Variants in MLPH observed in about 807,000 individuals in gnomAD.
The protein encoded by MLPH is melanophilin, also known as exophilin-3.
Under a neutral mutation model 72.1 loss-of-function variants are expected in MLPH, and 51 were observed. That is an observed-to-expected ratio of 0.71 (90% CI 0.56 to 0.89). MLPH has a LOEUF of 0.89. Ranked by LOEUF, MLPH falls within the 40% of genes least tolerant of loss-of-function variation. MLPH has a pLI of 0.00. For missense variants in MLPH, 743 were observed against 759.9 expected (o/e 0.98, Z 0.26); for synonymous variants, 301 against 310.1 (o/e 0.97, Z 0.31).
At chr2:237,518,190 G>A (rs887069740) in intron 4 of MLPH, 28 of 395,868 alleles carry the variant, frequency 7.1e-5, no homozygotes, top group African/African-American at 5.0e-4. Flanking sequence ...TTGAGTGGGT[G>A]GATGGGTGGA....
intron 2 of MLPH, among the ~76,000 whole-genome samples, chr2:237,509,286 T>C (rs1410552284): frequency 6.6e-6 from 1 of 152,222 alleles, no homozygotes; most frequent in African/African-American, 2.4e-5. Context: ...GGCTCTTATT[T>C]AAGAGGACTC....
At chr2:237,548,850 G>C (rs1369450836) in intron 13 of MLPH, among the ~76,000 whole-genome samples, 1 of 152,228 alleles carries the variant, frequency 6.6e-6, no homozygotes, top group Non-Finnish European at 1.5e-5. Context: ...CTGCACTCCA[G>C]CCTGGGTGAC....
intron 6 of MLPH, among the ~76,000 whole-genome samples, chr2:237,525,356 GC>G (rs1262296306): frequency 2.6e-5 from 4 of 152,168 alleles, no homozygotes; most frequent in Non-Finnish European, 4.4e-5. Context: ...GTCGTTGGGG[GC>G]CCCAACATTG....
intron 9 of MLPH, among the ~76,000 whole-genome samples, chr2:237,539,784 C>T (rs568993365): frequency 6.6e-6 from 1 of 152,266 alleles, no homozygotes; most frequent in East Asian, 1.9e-4. Flanking sequence ...AGTGACCTGC[C>T]GAAGGTCACA....
At chr2:237,500,212 G>T (rs569038582) in intron 2 of MLPH, among the ~76,000 whole-genome samples, 1 of 151,926 alleles carries the variant, frequency 6.6e-6, no homozygotes, top group South Asian at 2.1e-4. Flanking sequence ...ATTCCCTTTC[G>T]CAGGGTCGAG....
intron 2 of MLPH, among the ~76,000 whole-genome samples, chr2:237,495,425 G>A (rs1277560199): frequency 1.3e-5 from 2 of 152,218 alleles, no homozygotes; most frequent in African/African-American, 4.8e-5. Flanking sequence ...GGCCATAGGA[G>A]ACCGCACTGG....
At chr2:237,542,062 G>A (rs538318210) in intron 11 of MLPH, among the ~76,000 whole-genome samples, 11 of 152,172 alleles carry the variant, frequency 7.2e-5, no homozygotes, top group Admixed American at 5.2e-4. Flanking sequence ...GAGGGTGGAC[G>A]GCAAAGGCCC....
At chr2:237,499,742 CT>C (rs201746131) in intron 2 of MLPH, among the ~76,000 whole-genome samples, 2 of 151,578 alleles carry the variant, frequency 1.3e-5, no homozygotes, top group Middle Eastern at 3.4e-3. Flanking sequence ...TCCCATTTTA[CT>C]TTTTTTTTGT....
At chr2:237,521,129 T>C (rs2080173473) in intron 6 of MLPH, among the ~76,000 whole-genome samples, 1 of 152,166 alleles carries the variant, frequency 6.6e-6, no homozygotes, top group African/African-American at 2.4e-5. Flanking sequence ...GATGCTTAAT[T>C]GAGTTAATTA....
At chr2:237,494,274 G>A (rs1265040093) in intron 2 of MLPH, among the ~76,000 whole-genome samples, 1 of 152,150 alleles carries the variant, frequency 6.6e-6, no homozygotes, top group African/African-American at 2.4e-5. Context: ...GCCAGAGAGT[G>A]GAGGGCAGAG....
rs775973418 is a variant in MLPH at position 237,519,927 on chromosome 2, C to A, written c.573C>A (p.Ser191=). 67 of 1,613,892 alleles carry A rather than the reference C, an allele frequency of 4.2e-5. No homozygotes were observed. In the South Asian group the frequency reaches 7.1e-4, roughly 17 times the overall value. The change falls in exon 6 of 16, where the codon TCC becomes TCA. Residue 191 remains serine (S), a synonymous_variant. Coordinates refer to ENST00000264605, the MANE Select transcript of MLPH (RefSeq NM_024101.7). The part of the protein sequence containing the change: ...PFGSKKKRLL[S]VHDFDFEGDS... ...CTGCTAAGAAAAAGCGCCTCCTCTC[C>A]GTCCACGACTTCGACTTCGAGGGAG...
Position 237,540,332 on chromosome 2 carries a change from T to C in MLPH, c.1105-16T>C. On this transcript the variant is annotated splice_polypyrimidine_tract_variant and intron_variant, in intron 9 of 15. Transcript: ENST00000264605. The stretch of plus-strand genomic sequence containing the variant: ...GATGGCTAGCCGAATCCAAATCCAC[T>C]GGCCTGTTCTGTCAGGGTCTAGGTG... The C allele has an allele frequency of 6.2e-7, 1 of 1,613,072 alleles. No individual in the cohort carries two copies. Among genetic ancestry groups the C allele is most frequent in the Non-Finnish European group, 8.5e-7 (1 of 1,179,958 alleles).
At chr2:237,548,616 C>A (rs2080966927) in intron 13 of MLPH, among the ~76,000 whole-genome samples, 1 of 152,192 alleles carries the variant, frequency 6.6e-6, no homozygotes, top group African/African-American at 2.4e-5. Context: ...CACCTGTAAT[C>A]CCAGCACTTT....
At chr2:237,521,324 G>A (rs1196438092) in intron 6 of MLPH, among the ~76,000 whole-genome samples, 2 of 152,146 alleles carry the variant, frequency 1.3e-5, no homozygotes, top group Admixed American at 6.5e-5. Context: ...TGGAGTAAAA[G>A]CCTGTGAGGA....
chr2:237,550,487 T>G (rs761908876), intron 14 of MLPH, among the ~76,000 whole-genome samples: 1 of 152,164 alleles, frequency 6.6e-6, no homozygotes, highest in Non-Finnish European at 1.5e-5. Flanking sequence ...TGGAGAGCCA[T>G]GTGCTGGCTC....
At chr2:237,530,473 G>A (rs1415691456) in intron 8 of MLPH, among the ~76,000 whole-genome samples, 1 of 152,200 alleles carries the variant, frequency 6.6e-6, no homozygotes, top group Non-Finnish European at 1.5e-5. Flanking sequence ...AGTGTCCACG[G>A]GGCAGAAGCA....
rs58256353 is a variant in MLPH at position 237,540,862 on chromosome 2, C to T, written c.1351C>T (p.Pro451Ser). Residue 451 changes from proline to serine, a missense_variant, in exon 11 of 16, where the codon CCC (proline) becomes TCC (serine). Coordinates refer to ENST00000264605, the MANE Select transcript of MLPH (RefSeq NM_024101.7). ...AAAAAGCCCCCAGGACCCTGGGGAC[C>T]CCGTCCAGTACAACAGGACCACAGA... Reference protein sequence around the residue: ...QEKSPQDPGDPVQYNRTTDEE... With the variant: ...QEKSPQDPGDSVQYNRTTDEE... 17,925 of 1,613,310 alleles carry T rather than the reference C, an allele frequency of 0.011. 1,553 individuals are homozygous for T. In the African/African-American group the frequency reaches 0.2, roughly 18 times the overall value.
rs1483748745 is a variant in MLPH at position 237,528,920 on chromosome 2, T to C, written c.1020+1404T>C. On this transcript the variant is annotated intron_variant, in intron 8 of 15. Transcript: ENST00000264605. ...TAATGCTTCTGAGGTCCATCCATGCTGTAGCACATATGGGTGCTTCATTCC... is the reference window on the plus strand; with the variant it reads ...TAATGCTTCTGAGGTCCATCCATGCCGTAGCACATATGGGTGCTTCATTCC... Among the ~76,000 whole-genome samples the C allele has an allele frequency of 3.9e-5, 6 of 152,378 alleles. No individual in the cohort carries two copies. The East Asian group carries it at 1.2e-3, about 29-fold the overall frequency.
At chr2:237,552,234 T>C in intron 14 of MLPH, 103 bp from the exon 15 acceptor site, 1 of 850,366 alleles carries the variant, frequency 1.2e-6, no homozygotes, top group Non-Finnish European at 2.0e-6. Context: ...AGGGGATATG[T>C]CCATTTTTTT....
Sources: allele counts gnomAD v4.1 joint callset (sites outside exome capture counted in the v4.1 genomes callset), GRCh38; gene constraint gnomAD v4.1.1; transcripts MANE v1.5; gene names NCBI Gene and HGNC (gene_info 2026-07-23, HGNC 2026-07-21).